Variants in ASIP observed in about 807,000 individuals in gnomAD.
ASIP encodes the protein agouti-signaling protein.
In ASIP, 11 loss-of-function variants were observed where a neutral mutation model predicts 10.3. That is an observed-to-expected ratio of 1.07 (90% CI 0.68 to 1.78). ASIP has a LOEUF of 1.78. Among genes scored for constraint, ASIP ranks in the 40% most tolerant of loss-of-function variants. The pLI, the probability that ASIP is intolerant of heterozygous loss-of-function variation, is 0.00. For synonymous variants in ASIP, 70 were observed against 70.8 expected (o/e 0.99, Z 0.06); for missense variants, 180 against 169.2 (o/e 1.06, Z -0.35).
intron 1 of ASIP, among the ~76,000 whole-genome samples, chr20:34,204,778 CTCA>C (rs1325515660): frequency 6.6e-6 from 1 of 152,018 alleles, no homozygotes; most frequent in Non-Finnish European, 1.5e-5. Flanking sequence ...ATGTATTTTT[CTCA>C]TCAGTTAAAA....
chr20:34,262,322 T>C (rs1169078843), intron 2 of ASIP, among the ~76,000 whole-genome samples: 1 of 152,148 alleles, frequency 6.6e-6, no homozygotes, highest in Non-Finnish European at 1.5e-5. Flanking sequence ...GGAGGATAAG[T>C]AAGTTACCCA....
chr20:34,260,362 C>T lies in ASIP; in HGVS notation c.-10-3C>T. On this transcript the variant is annotated splice_region_variant and splice_polypyrimidine_tract_variant and intron_variant, in intron 1 of 3. Coordinates refer to ENST00000374954, the MANE Select transcript of ASIP (RefSeq NM_001672.3). ...ACCTGACCACCTTCTCTGTCCCACT[C>T]AGGCCTCCTGGGATGGATGTCACCC... The T allele has an allele frequency of 1.9e-6, 3 of 1,611,784 alleles. No homozygotes were observed. The highest frequency in any genetic ancestry group is 2.5e-6 in the Non-Finnish European group (3 of 1,178,458).
At chr20:34,193,422 T>C (rs1231817966), upstream of ASIP, among the ~76,000 whole-genome samples, 4 of 152,158 alleles carry the variant, frequency 2.6e-5, no homozygotes, top group East Asian at 1.9e-4. Flanking sequence ...TTGGCCTTTT[T>C]TTCTTCCATC....
chr20:34,226,277 A>G (rs1208435742), intron 1 of ASIP, among the ~76,000 whole-genome samples: 1 of 152,256 alleles, frequency 6.6e-6, no homozygotes, highest in Non-Finnish European at 1.5e-5. Context: ...TTAACAGACT[A>G]AAAAAGAAAA....
chr20:34,249,738 G>A (rs1019334898), intron 1 of ASIP, among the ~76,000 whole-genome samples: 2 of 152,110 alleles, frequency 1.3e-5, no homozygotes, highest in African/African-American at 4.8e-5. Context: ...TGCACTGAAA[G>A]CCATTTAAAG....
In ASIP at chr20:34,196,712, C is replaced by A. The variant is rs76091428; in HGVS notation, c.-11+1952C>A. Among the ~76,000 whole-genome samples the A allele has an allele frequency of 8.2e-3, 1,253 of 152,224 alleles. 54 individuals carry two copies. The highest frequency in any genetic ancestry group is 0.071 in the East Asian group (369 of 5,168). ...TAATTAGTTCCCATACCTGCGTAGC[C>A]GGTTCTGAGGGGTGAAGTACTCCCT... is the stretch of plus-strand genomic sequence containing the variant. On this transcript the variant is annotated intron_variant, in intron 1 of 3. Transcript: ENST00000568305.
chr20:34,264,335 G>A (rs182443412), intron 3 of ASIP, among the ~76,000 whole-genome samples: 4 of 152,302 alleles, frequency 2.6e-5, no homozygotes, highest in Non-Finnish European at 4.4e-5. Flanking sequence ...CAGGTGTTGC[G>A]AGTACGTGCT....
intron 1 of ASIP, among the ~76,000 whole-genome samples, chr20:34,210,037 C>A (rs1373817654): frequency 6.6e-6 from 1 of 152,200 alleles, no homozygotes; most frequent in Non-Finnish European, 1.5e-5. Context: ...CAGAGAGGAG[C>A]TGCCCACTCC....
chr20:34,199,596 G>A (rs2034880223), intron 1 of ASIP, among the ~76,000 whole-genome samples: 1 of 151,730 alleles, frequency 6.6e-6, no homozygotes, highest in Admixed American at 6.6e-5. Flanking sequence ...ATATTTATTG[G>A]CCTTTTGACT....
intron 1 of ASIP, among the ~76,000 whole-genome samples, chr20:34,208,807 T>C (rs1052707634): frequency 1.3e-5 from 2 of 152,264 alleles, no homozygotes; most frequent in African/African-American, 2.4e-5. Context: ...CAATGTTTTA[T>C]AGTTTTCATT....
At chr20:34,262,628 C>T (rs1335635564) in intron 2 of ASIP, among the ~76,000 whole-genome samples, 2 of 152,088 alleles carry the variant, frequency 1.3e-5, no homozygotes, top group Non-Finnish European at 2.9e-5. Context: ...TCAGAGGACA[C>T]GTTGCTATCA....
chr20:34,219,140 A>G (rs917977297), intron 1 of ASIP, among the ~76,000 whole-genome samples: 6 of 152,214 alleles, frequency 3.9e-5, no homozygotes, highest in African/African-American at 9.6e-5. Context: ...CCTAGGGAAC[A>G]GGTAGTATAA....
chr20:34,210,053 C>G (rs1021030832), intron 1 of ASIP, among the ~76,000 whole-genome samples: 1 of 152,228 alleles, frequency 6.6e-6, no homozygotes, highest in African/African-American at 2.4e-5. Flanking sequence ...ACTCCAGGGC[C>G]TCCTCTGAGC....
chr20:34,262,378 T>C (rs1000351471), intron 2 of ASIP, among the ~76,000 whole-genome samples: 5 of 152,140 alleles, frequency 3.3e-5, no homozygotes, highest in African/African-American at 1.2e-4. Flanking sequence ...TCAAATCAGG[T>C]CCTCCTGGCT....
chr20:34,248,938 T>A, intron 1 of ASIP, among the ~76,000 whole-genome samples: 1 of 142,850 alleles, frequency 7.0e-6, no homozygotes, highest in African/African-American at 2.6e-5. Context: ...GGCAACATGG[T>A]AAAACCCCAT....
intron 1 of ASIP, among the ~76,000 whole-genome samples, chr20:34,219,021 C>A (rs958683659): frequency 6.6e-6 from 1 of 152,176 alleles, no homozygotes; most frequent in Non-Finnish European, 1.5e-5. Flanking sequence ...GTGAGAATAG[C>A]TGGAAACCTA....
chr20:34,253,065 C>T (rs2035504831), intron 1 of ASIP, among the ~76,000 whole-genome samples: 1 of 152,118 alleles, frequency 6.6e-6, no homozygotes, highest in African/African-American at 2.4e-5. Context: ...TTTATGTCTT[C>T]CTTTTCTACA....
the ASIP span, among the ~76,000 whole-genome samples, chr20:34,189,304 G>A: frequency 0.014 from 2,166 of 152,134 alleles, 53 homozygotes; most frequent in African/African-American, 0.05. Flanking sequence ...GTGCAGTGGC[G>A]TGATCTCGGC....
chr20:34,246,151 C>T (rs1356510167), intron 1 of ASIP: 13 of 1,001,610 alleles, frequency 1.3e-5, no homozygotes, highest in African/African-American at 8.2e-5. Context: ...CAAGGCCACA[C>T]ACTCTTGTCA....
Sources: allele counts gnomAD v4.1 joint callset (sites outside exome capture counted in the v4.1 genomes callset), GRCh38; gene constraint gnomAD v4.1.1; transcripts MANE v1.5; gene names NCBI Gene and HGNC (gene_info 2026-07-23, HGNC 2026-07-21).